ATG5: variants seen among roughly 807,000 people sequenced by gnomAD.
The protein encoded by ATG5 is autophagy protein 5.
ATG5 carries 14 observed loss-of-function variants against 36.5 expected under a neutral mutation model. The observed-to-expected ratio is 0.38, with a 90% confidence interval of 0.25 to 0.60. The LOEUF (loss-of-function observed/expected upper bound fraction) is 0.60. Among genes scored for constraint, ATG5 ranks in the 20% least tolerant of loss-of-function variants. The probability of loss-of-function intolerance (pLI) is 0.60; values close to 1 mark genes in which losing one functional copy is unlikely to be tolerated. For missense variants in ATG5, 195 were observed against 326.7 expected (o/e 0.60, Z 3.11); for synonymous variants, 95 against 101.5 (o/e 0.94, Z 0.38).
At chr6:106,213,871 G>A (rs1304943223) in intron 6 of ATG5, among the ~76,000 whole-genome samples, 1 of 152,154 alleles carries the variant, frequency 6.6e-6, no homozygotes, top group African/African-American at 2.4e-5. Context: ...ACAATGACTA[G>A]TTCTTTTCAT....
chr6:106,320,314 T>C (rs1759472161), intron 1 of ATG5, among the ~76,000 whole-genome samples: 1 of 152,178 alleles, frequency 6.6e-6, no homozygotes, highest in South Asian at 2.1e-4. Flanking sequence ...ATACATCCTA[T>C]AGTGTTCAAA....
chr6:106,257,186 T>G (rs1200067716), intron 5 of ATG5, among the ~76,000 whole-genome samples: 1 of 152,254 alleles, frequency 6.6e-6, no homozygotes, highest in South Asian at 2.1e-4. Flanking sequence ...ATAACATGAG[T>G]GAAGCTGTCA....
intron 5 of ATG5, among the ~76,000 whole-genome samples, chr6:106,265,939 A>C (rs879187657): frequency 6.6e-6 from 1 of 152,188 alleles, no homozygotes; most frequent in Non-Finnish European, 1.5e-5. Context: ...CAAAAGAATT[A>C]GAGAAGCAAG....
chr6:106,207,543 AAAAGAAAG>A (rs560831668), intron 6 of ATG5, among the ~76,000 whole-genome samples: 1 of 151,866 alleles, frequency 6.6e-6, no homozygotes, highest in Admixed American at 6.5e-5. Context: ...TCTTAAAAAA[AAAAGAAAG>A]AAAGAAAGAA....
intron 7 of ATG5, among the ~76,000 whole-genome samples, chr6:106,192,436 C>G (rs1413668984): frequency 6.6e-6 from 1 of 152,090 alleles, no homozygotes; most frequent in African/African-American, 2.4e-5. Flanking sequence ...GGAATATGAT[C>G]TATAAATGTC....
At chr6:106,286,506 T>C (rs1780084000) in intron 4 of ATG5, among the ~76,000 whole-genome samples, 1 of 152,190 alleles carries the variant, frequency 6.6e-6, no homozygotes, top group Non-Finnish European at 1.5e-5. Context: ...CTTCATAAAG[T>C]TCTAAGTTTG....
chr6:106,246,851 A>G (rs1258078697), intron 6 of ATG5, among the ~76,000 whole-genome samples: 1 of 152,240 alleles, frequency 6.6e-6, no homozygotes, highest in Non-Finnish European at 1.5e-5. Context: ...TAGAAAGAAT[A>G]TAAATAATTA....
chr6:106,234,280 C>T (rs1165565003), intron 6 of ATG5, among the ~76,000 whole-genome samples: 3 of 152,144 alleles, frequency 2.0e-5, no homozygotes, highest in African/African-American at 4.8e-5. Flanking sequence ...TTAATACCAC[C>T]CTCACTGGGC....
chr6:106,268,498 C>A (rs1253557222), intron 5 of ATG5, among the ~76,000 whole-genome samples: 1 of 152,144 alleles, frequency 6.6e-6, no homozygotes, highest in African/African-American at 2.4e-5. Context: ...GCCAGAAATA[C>A]CATTTGACCC....
intron 1 of ATG5, among the ~76,000 whole-genome samples, chr6:106,319,219 T>G (rs1414630060): frequency 7.2e-5 from 11 of 152,206 alleles, no homozygotes; most frequent in Admixed American, 5.9e-4. Context: ...TATCTACTAT[T>G]ATAATTTACA....
intron 5 of ATG5, among the ~76,000 whole-genome samples, chr6:106,273,177 T>C (rs1383808548): frequency 1.3e-5 from 2 of 151,744 alleles, no homozygotes; most frequent in African/African-American, 4.9e-5. Flanking sequence ...TACTTAGGAA[T>C]CTACTTTTAC....
At chr6:106,219,355 T>C (rs892841037) in intron 6 of ATG5, among the ~76,000 whole-genome samples, 3 of 152,200 alleles carry the variant, frequency 2.0e-5, no homozygotes. Flanking sequence ...ATACATTAGT[T>C]TGGCTATTCC....
chr6:106,279,824 C>A lies in ATG5; in HGVS notation c.316-1G>T. 2 of 1,485,052 alleles carry A rather than the reference C, an allele frequency of 1.3e-6. No individual in the cohort carries two copies. The highest frequency in any genetic ancestry group is 2.8e-5 in the African/African-American group (2 of 70,708). 92.0% of individuals were successfully genotyped at this position (1,485,052 alleles called of 1,614,324 possible). ...GCAGAAGGTCTTTTTCTGGAAAACT[C>A]TATCAAAGGAAAAAATATACATATA... is the stretch of plus-strand genomic sequence containing the variant. On this transcript the variant is annotated splice_acceptor_variant, in intron 4 of 7. Coordinates refer to ENST00000369076, the MANE Select transcript of ATG5 (RefSeq NM_004849.4). LOFTEE classifies it high-confidence loss of function.
intron 5 of ATG5, among the ~76,000 whole-genome samples, chr6:106,271,275 A>C (rs1183109782): frequency 2.0e-5 from 3 of 152,202 alleles, no homozygotes; most frequent in African/African-American, 7.2e-5. Flanking sequence ...GAATGTTTAC[A>C]TCCCCCTATA....
chr6:106,311,832 CTTT>C (rs539005722), intron 2 of ATG5, among the ~76,000 whole-genome samples: 3 of 141,404 alleles, frequency 2.1e-5, no homozygotes, highest in South Asian at 2.2e-4. Flanking sequence ...TGATCTCCTT[CTTT>C]TTTTTTTTTT....
intron 5 of ATG5, among the ~76,000 whole-genome samples, chr6:106,275,119 T>C (rs1158513515): frequency 1.3e-5 from 2 of 152,284 alleles, no homozygotes; most frequent in East Asian, 3.9e-4. Context: ...GGAAAGCTTC[T>C]TATAGAAAGT....
At chr6:106,315,243 G>A (rs954288256) in intron 2 of ATG5, among the ~76,000 whole-genome samples, 1 of 152,196 alleles carries the variant, frequency 6.6e-6, no homozygotes, top group Non-Finnish European at 1.5e-5. Flanking sequence ...AAGTGAAACA[G>A]AAGAAGCATT....
chr6:106,234,416 TC>T (rs1777812110), intron 6 of ATG5, among the ~76,000 whole-genome samples: 1 of 151,506 alleles, frequency 6.6e-6, no homozygotes, highest in African/African-American at 2.4e-5. Flanking sequence ...AAACACCACT[TC>T]CGTTTTAGTA....
rs190125807 is a variant in ATG5, at chr6:106,290,117, C to T, written c.315+2911G>A. On this transcript the variant is annotated intron_variant, in intron 4 of 7. Coordinates refer to ENST00000369076, the MANE Select transcript of ATG5 (RefSeq NM_004849.4). ...GTACAGCTCAATGTAACCTCAAACT[C>T]CTGGGCTCAAGTGATCCTTCCACTT... Among the ~76,000 whole-genome samples, 265 of 151,756 alleles carry T rather than the reference C, an allele frequency of 1.7e-3. 2 individuals are homozygous for T. The highest frequency in any genetic ancestry group is 6.1e-3 in the African/African-American group (254 of 41,446).
Sources: gnomAD v4.1 joint callset for allele counts (sites outside exome capture counted in the v4.1 genomes callset) on GRCh38, gnomAD v4.1.1 for gene constraint, MANE v1.5 for transcripts, NCBI Gene and HGNC (gene_info 2026-07-23, HGNC 2026-07-21) for gene names.